GRIK2: variants seen among roughly 807,000 people sequenced by gnomAD.
GRIK2 encodes the protein glutamate ionotropic receptor kainate type subunit 2.
A neutral mutation model predicts 100.3 loss-of-function variants in GRIK2; 32 were observed. The observed-to-expected ratio is 0.32, with a 90% CI of 0.24 to 0.43. The LOEUF is 0.43. Ranked by LOEUF, GRIK2 falls within the 20% of genes least tolerant of loss-of-function variation. The pLI, the probability that GRIK2 is intolerant of heterozygous loss-of-function variation, is 1.00. For missense variants in GRIK2, 843 were observed against 1,114.9 expected, an observed-to-expected ratio of 0.76 and a Z score of 3.47; for synonymous variants, 417 against 389.4, an observed-to-expected ratio of 1.07 and a Z score of -0.83.
At chr6:101,470,807 G>A (rs942677494) in intron 2 of GRIK2, among the ~76,000 whole-genome samples, 16 of 152,108 alleles carry the variant, frequency 1.1e-4, no homozygotes, top group Admixed American at 7.9e-4. Context: ...CAAGAAAAAT[G>A]TAGAGAAAAC....
At chr6:101,602,300 A>G (rs1428825751) in intron 2 of GRIK2, among the ~76,000 whole-genome samples, 3 of 151,460 alleles carry the variant, frequency 2.0e-5, no homozygotes, top group East Asian at 2.0e-4. Context: ...TATGGTTGGC[A>G]TAATTCCAAT....
intron 14 of GRIK2, among the ~76,000 whole-genome samples, chr6:101,968,582 T>G (rs924333164): frequency 1.3e-5 from 2 of 152,150 alleles, no homozygotes; most frequent in Admixed American, 1.3e-4. Flanking sequence ...ATCATTTTAA[T>G]ATTTCTAGAT....
chr6:101,693,287 A>G (rs1460493713), intron 7 of GRIK2, among the ~76,000 whole-genome samples: 1 of 152,120 alleles, frequency 6.6e-6, no homozygotes, highest in Admixed American at 6.6e-5. Context: ...GGGTAAATCA[A>G]GAGAGATTTT....
intron 16 of GRIK2, among the ~76,000 whole-genome samples, chr6:102,063,778 A>G (rs1771870295): frequency 6.7e-6 from 1 of 150,264 alleles, no homozygotes; most frequent in South Asian, 2.1e-4. Flanking sequence ...AAGCTCTATA[A>G]AAAAGCAATG....
At chr6:102,022,787 A>C (rs1769498029) in intron 14 of GRIK2, among the ~76,000 whole-genome samples, 1 of 151,656 alleles carries the variant, frequency 6.6e-6, no homozygotes, top group Admixed American at 6.6e-5. Context: ...TTTATAGAGC[A>C]AATGGGTAGA....
At chr6:101,489,641 T>G (rs1055969505) in intron 2 of GRIK2, among the ~76,000 whole-genome samples, 1 of 146,080 alleles carries the variant, frequency 6.8e-6, no homozygotes, top group African/African-American at 2.6e-5. Flanking sequence ...TAGGGGCTGT[T>G]GAAATGACTA....
At chr6:102,063,980 G>A in intron 16 of GRIK2, 1 of 1,543,980 alleles carries the variant, frequency 6.5e-7, no homozygotes, top group East Asian at 2.3e-5. Context: ...TATTTGGTTA[G>A]TGCCACCATA....
At chr6:101,672,544 C>T (rs747141113) in intron 4 of GRIK2, among the ~76,000 whole-genome samples, 5 of 152,002 alleles carry the variant, frequency 3.3e-5, no homozygotes, top group African/African-American at 4.8e-5. Context: ...TATCTTCTAA[C>T]GATTTGATTT....
At chr6:101,522,071 T>G (rs1035609362) in intron 2 of GRIK2, among the ~76,000 whole-genome samples, 7 of 152,148 alleles carry the variant, frequency 4.6e-5, no homozygotes, top group Admixed American at 3.3e-4. Flanking sequence ...ATATATACCT[T>G]GCATCTCTTT....
At chr6:101,897,248 T>C (rs1332163120) in intron 12 of GRIK2, among the ~76,000 whole-genome samples, 1 of 151,706 alleles carries the variant, frequency 6.6e-6, no homozygotes, top group Non-Finnish European at 1.5e-5. Flanking sequence ...CTTTCTTCCT[T>C]TTTTTTGGAC....
intron 2 of GRIK2, among the ~76,000 whole-genome samples, chr6:101,581,167 CATATAT>C (rs56887492): frequency 6.7e-6 from 1 of 148,568 alleles, no homozygotes; most frequent in Non-Finnish European, 1.5e-5. Flanking sequence ...GATATATATA[CATATAT>C]ATATATATAC....
chr6:102,065,945 A>G, intron 16 of GRIK2: 1 of 1,302,776 alleles, frequency 7.7e-7, no homozygotes. Flanking sequence ...ATTAAGCAAC[A>G]AGAAACACTG....
chr6:102,010,365 TC>T (rs1159685502), intron 14 of GRIK2, among the ~76,000 whole-genome samples: 1 of 144,536 alleles, frequency 6.9e-6, no homozygotes, highest in African/African-American at 2.5e-5. Context: ...CTCCTCCTCC[TC>T]CCCCCACTTC....
chr6:101,407,166 C>T (rs1172929835), intron 2 of GRIK2, among the ~76,000 whole-genome samples: 1 of 152,126 alleles, frequency 6.6e-6, no homozygotes, highest in Non-Finnish European at 1.5e-5. Flanking sequence ...TCTCCCTTTA[C>T]TTTCTGAAGC....
intron 7 of GRIK2, among the ~76,000 whole-genome samples, chr6:101,731,112 T>C (rs1462694452): frequency 1.3e-5 from 2 of 152,014 alleles, no homozygotes; most frequent in East Asian, 3.9e-4. Flanking sequence ...GTCTTAGAAA[T>C]TATCTGAGCA....
intron 7 of GRIK2, among the ~76,000 whole-genome samples, chr6:101,710,763 T>C (rs528589833): frequency 6.6e-6 from 1 of 151,780 alleles, no homozygotes; most frequent in Non-Finnish European, 1.5e-5. Flanking sequence ...CTCAGCACCA[T>C]GCTTTGTTGA....
At chr6:101,769,179 T>A (rs1778243707) in intron 7 of GRIK2, among the ~76,000 whole-genome samples, 1 of 152,196 alleles carries the variant, frequency 6.6e-6, no homozygotes, top group African/African-American at 2.4e-5. Context: ...ATATGTGTAA[T>A]ATCTTTGTAC....
chr6:101,881,119 A>C (rs1164429294), intron 11 of GRIK2, among the ~76,000 whole-genome samples: 1 of 151,864 alleles, frequency 6.6e-6, no homozygotes, highest in Non-Finnish European at 1.5e-5. Context: ...ATAACCATAA[A>C]AAATTTTGTG....
At chr6:101,793,519 G>A (rs975456034) in intron 7 of GRIK2, among the ~76,000 whole-genome samples, 1 of 152,172 alleles carries the variant, frequency 6.6e-6, no homozygotes, top group African/African-American at 2.4e-5. Flanking sequence ...CTGCAGAACT[G>A]CAGATTTTCT....
Sources: gnomAD v4.1 joint callset for allele counts (sites outside exome capture counted in the v4.1 genomes callset) on GRCh38, gnomAD v4.1.1 for gene constraint, MANE v1.5 for transcripts, NCBI Gene and HGNC (gene_info 2026-07-23, HGNC 2026-07-21) for gene names.